ABCC6: variants seen among roughly 807,000 people sequenced by gnomAD.
ABCC6 encodes the protein ATP binding cassette subfamily C member 6.
A neutral mutation model predicts 169.5 loss-of-function variants in ABCC6; 126 were observed. That is an observed-to-expected ratio of 0.74 (90% CI 0.64 to 0.86). The LOEUF (loss-of-function observed/expected upper bound fraction) is 0.86. Among genes scored for constraint, ABCC6 ranks in the 40% least tolerant of loss-of-function variants. The probability of loss-of-function intolerance (pLI) is 0.00; values close to 1 mark genes in which losing one functional copy is unlikely to be tolerated. For synonymous variants in ABCC6, 752 were observed against 814.7 expected (o/e 0.92, Z 1.31); for missense variants, 1,733 against 1,927.2 (o/e 0.90, Z 1.89).
intron 20 of ABCC6, among the ~76,000 whole-genome samples, chr16:16,173,696 C>CTT (rs763177730): frequency 6.5e-5 from 9 of 139,242 alleles, no homozygotes; most frequent in East Asian, 2.1e-4. Flanking sequence ...TCAGAATTTT[C>CTT]TTTTTTTTTT....
intron 9 of ABCC6, among the ~76,000 whole-genome samples, chr16:16,198,661 C>A (rs116509378): frequency 6.6e-6 from 1 of 151,176 alleles, no homozygotes; most frequent in Non-Finnish European, 1.5e-5. Flanking sequence ...CCAGCCCGCG[C>A]GACATAGTAA....
chr16:16,174,760 A>ACCCC (rs386789398), intron 20 of ABCC6, among the ~76,000 whole-genome samples: 74 of 94,676 alleles, frequency 7.8e-4, no homozygotes, highest in Middle Eastern at 5.7e-3. Context: ...CTGTCTCAAA[A>ACCCC]CCCCCCCCCG....
intron 27 of ABCC6, 125 bp from the exon 28 acceptor site, chr16:16,155,156 A>G (rs1463391569): frequency 1.7e-6 from 2 of 1,146,386 alleles, no homozygotes; most frequent in Non-Finnish European, 2.5e-6. Context: ...TCTACCTTCC[A>G]TCTCTCTTTC....
rs58571995 is a variant in ABCC6, at chr16:16,161,581, C to T, written c.3507-17G>A. ...GCAAGCCACCTGCAAAGGGAAGCGACAGCAGGGTGAGTGGTTACTCTCATC... is the reference window on the plus strand; with the variant it reads ...GCAAGCCACCTGCAAAGGGAAGCGATAGCAGGGTGAGTGGTTACTCTCATC... On this transcript the variant is annotated splice_polypyrimidine_tract_variant and intron_variant, in intron 24 of 30. Coordinates refer to ENST00000205557, the MANE Select transcript of ABCC6 (RefSeq NM_001171.6). 82 of 1,613,828 alleles carry T rather than the reference C, an allele frequency of 5.1e-5. No homozygotes were observed. The African/African-American group carries it at 7.9e-4, about 15-fold the overall frequency.
At chr16:16,189,807 G>A (rs533419351) in intron 12 of ABCC6, among the ~76,000 whole-genome samples, 5 of 152,238 alleles carry the variant, frequency 3.3e-5, no homozygotes, top group South Asian at 2.1e-4. Context: ...CAAGGATCAC[G>A]TCCAGTGACA....
Position 16,176,135 on chromosome 16 carries a change from C to CT in ABCC6, c.2591-150dup, listed in dbSNP as rs2047271704. The CT allele has an allele frequency of 8.1e-6, 6 of 744,982 alleles. No homozygotes were observed. The South Asian group carries it at 8.8e-5, about 11-fold the overall frequency. The allele number at this position is 744,982 out of a possible 1,614,324, so 46.1% of individuals were successfully genotyped here. On this transcript the variant is annotated intron_variant, in intron 19 of 30. Coordinates refer to ENST00000205557, the MANE Select transcript of ABCC6 (RefSeq NM_001171.6). ...CAGCAACCTCTCTCAACACCCCACTCTGAGTTCTTCCAGGAACATCCTTCA... is the reference window on the plus strand; with the variant it reads ...CAGCAACCTCTCTCAACACCCCACTCTTGAGTTCTTCCAGGAACATCCTTCA...
At chr16:16,152,569 C>T (rs2046418920) in intron 29 of ABCC6, among the ~76,000 whole-genome samples, 1 of 152,166 alleles carries the variant, frequency 6.6e-6, no homozygotes, top group South Asian at 2.1e-4. Context: ...TTACTCTTTG[C>T]TCTATGCCTG....
At chr16:16,164,143 C>T (rs1382860455) in intron 23 of ABCC6, among the ~76,000 whole-genome samples, 1 of 152,066 alleles carries the variant, frequency 6.6e-6, no homozygotes, top group Non-Finnish European at 1.5e-5. Context: ...AAGCAATCCT[C>T]CCGCCTCATC....
rs559963391 is a variant in ABCC6, at chr16:16,203,272, T to C, written c.998+138A>G. The C allele has an allele frequency of 1.0e-5, 15 of 1,464,284 alleles. No individual in the cohort carries two copies. In the African/African-American group the frequency reaches 2.1e-4, roughly 20 times the overall value. 90.7% of individuals were successfully genotyped at this position (1,464,284 alleles called of 1,614,324 possible). On this transcript the variant is annotated intron_variant, in intron 8 of 30. Coordinates refer to ENST00000205557, the MANE Select transcript of ABCC6 (RefSeq NM_001171.6). ...TCATTAATCCATTTCCCTTCCTCAG[T>C]GTCCTTCTCACCCACCATCCAGTGT...
At position 16,150,044 on chromosome 16, in the gene ABCC6, G is replaced by C. The variant is rs1427244284; in HGVS notation, c.*89C>G. 3.3e-5 allele frequency: 52 copies of C among 1,553,108 alleles called. No individual in the cohort carries two copies. The highest frequency in any genetic ancestry group is 4.4e-5 in the Non-Finnish European group (50 of 1,141,320). ...CACAGGTCTAGACTCAATATCGTGT[G>C]GAGCTATCGATGACCACGGGTCACT... On this transcript the variant is annotated 3_prime_UTR_variant, in exon 31 of 31. Coordinates refer to ENST00000205557, the MANE Select transcript of ABCC6 (RefSeq NM_001171.6).
intron 27 of ABCC6, among the ~76,000 whole-genome samples, chr16:16,157,338 A>G (rs1357112705): frequency 6.6e-6 from 1 of 152,128 alleles, no homozygotes; most frequent in Non-Finnish European, 1.5e-5. Context: ...GAAAGCAAAT[A>G]TCCCATTTGT....
Position 16,161,485 on chromosome 16 carries a change from G to T in ABCC6, c.3586C>A (p.His1196Asn). ...AATCAVLSKA[H>N]LSAGLVGFSV... ...AAGCCCACGAGGCCAGCACTGAGGT[G>T]GGCTTTGCTCAGCACAGCACACGTG... Residue 1196 changes from histidine to asparagine, a missense_variant, in exon 25 of 31, where the codon CAC becomes AAC. Around this residue, in one of 5 missense-constraint regions of ABCC6, gnomAD observed 1,601 missense variants for 1,635.5 expected, o/e 0.98. Coordinates refer to ENST00000205557, the MANE Select transcript of ABCC6 (RefSeq NM_001171.6). 1 of 1,614,002 alleles carries T rather than the reference G, an allele frequency of 6.2e-7. No individual in the cohort carries two copies. Among genetic ancestry groups the T allele is most frequent in the Non-Finnish European group, 8.5e-7 (1 of 1,180,034 alleles).
chr16:16,191,164 G>A (rs2047841456), intron 11 of ABCC6, among the ~76,000 whole-genome samples: 1 of 152,122 alleles, frequency 6.6e-6, no homozygotes, highest in Admixed American at 6.5e-5. Context: ...CGCCCAGGCT[G>A]GAGTGCAGTG....
At position 16,188,896 on chromosome 16, in the gene ABCC6, T is replaced by C; in HGVS notation, c.1714A>G (p.Thr572Ala). 1 of 1,614,054 alleles carries C rather than the reference T, an allele frequency of 6.2e-7. No homozygotes were observed. Among genetic ancestry groups the C allele is most frequent in the Non-Finnish European group, 8.5e-7 (1 of 1,179,986 alleles). ...GCCTTGTTGAGGATGTTGAGAACTG[T>C]GAGAGTCACAAAGGCTTTCTCTGCA... The part of the protein sequence containing the change: ...MNAEKAFVTL[T>A]VLNILNKAQA... The change falls in exon 13 of 31, where the codon ACA (threonine) becomes GCA (alanine). Residue 572 changes from threonine (T) to alanine (A), a missense_variant. Thr to Ala is a moderately conservative substitution (Grantham distance 58, BLOSUM62 0). Transcript: ENST00000205557.
At chr16:16,198,382 G>A (rs528539573) in intron 9 of ABCC6, among the ~76,000 whole-genome samples, 200 bp from the exon 10 acceptor site, 128 of 152,278 alleles carry the variant, frequency 8.4e-4, no homozygotes, top group African/African-American at 2.8e-3. Flanking sequence ...CCTAAAGCAC[G>A]GGAGGCATAA....
In ABCC6 at chr16:16,182,585, C is replaced by T. The variant is rs151272575; in HGVS notation, c.2074G>A (p.Ala692Thr). 50 of 1,611,532 alleles carry T rather than the reference C, an allele frequency of 3.1e-5. No individual in the cohort carries two copies. In the African/African-American group the frequency reaches 6.0e-4, roughly 19 times the overall value. The change falls in exon 17 of 31, where the codon GCT becomes ACT. Residue 692 changes from alanine to threonine, a missense_variant. Physicochemically the swap from Ala to Thr is moderately conservative, Grantham distance 58 (BLOSUM62 0). Coordinates refer to ENST00000205557, the MANE Select transcript of ABCC6 (RefSeq NM_001171.6). The stretch of plus-strand genomic sequence containing the variant: ...GCCTCCTGGGGCACGTAGGCCACAG[C>T]ACCCTAAAACACAACTTACTTTGGT... Reference protein sequence around the residue: ...KVEGFVSIEGAVAYVPQEAWV... With the variant: ...KVEGFVSIEGTVAYVPQEAWV...
At chr16:16,221,883 G>A in intron 1 of ABCC6, 52 bp from the exon 2 acceptor site, 2 of 1,611,998 alleles carry the variant, frequency 1.2e-6, no homozygotes, top group Non-Finnish European at 1.7e-6. Context: ...GGGGTCCCCA[G>A]CTCACCTGCC....
At chr16:16,184,091 C>A in intron 15 of ABCC6, 1 of 171,664 alleles carries the variant, frequency 5.8e-6, no homozygotes, top group Non-Finnish European at 1.3e-5. Flanking sequence ...CCCAGCTACT[C>A]GGGAGGCTGA....
At chr16:16,213,558 C>CTTTT (rs61603385) in intron 5 of ABCC6, among the ~76,000 whole-genome samples, 2 of 72,382 alleles carry the variant, frequency 2.8e-5, no homozygotes, top group African/African-American at 5.1e-5. Flanking sequence ...CTTTTTCCTT[C>CTTTT]TTTTTTTTTT....
Sources: gnomAD v4.1 joint callset for allele counts (sites outside exome capture counted in the v4.1 genomes callset) on GRCh38, gnomAD v4.1.1 for gene constraint, gnomAD v4.1.1 regional missense constraint, MANE v1.5 for transcripts, NCBI Gene and HGNC (gene_info 2026-07-23, HGNC 2026-07-21) for gene names.